Variants in SLC30A8 observed in about 807,000 individuals in gnomAD.
The protein encoded by SLC30A8 is solute carrier family 30 member 8.
SLC30A8 carries 27 observed loss-of-function variants against 36.9 expected under a neutral mutation model. That is an observed-to-expected ratio of 0.73 (90% CI 0.54 to 1.01). SLC30A8 has a LOEUF of 1.01. SLC30A8 is among the 50% of genes least tolerant of loss of function. The pLI is 0.00. For synonymous variants in SLC30A8, 164 were observed against 172.4 expected (o/e 0.95, Z 0.38); for missense variants, 439 against 452.0 (o/e 0.97, Z 0.26).
intron 1 of SLC30A8, among the ~76,000 whole-genome samples, chr8:117,001,512 T>C (rs1171114341): frequency 6.6e-6 from 1 of 152,198 alleles, no homozygotes; most frequent in South Asian, 2.1e-4. Flanking sequence ...GAAAGCATCC[T>C]GATACAAGTA....
intron 1 of SLC30A8, among the ~76,000 whole-genome samples, chr8:117,026,007 G>C (rs746801294): frequency 6.6e-6 from 1 of 152,108 alleles, no homozygotes; most frequent in Non-Finnish European, 1.5e-5. Flanking sequence ...GCATTTGTTC[G>C]TAGCATGGAG....
intron 2 of SLC30A8, among the ~76,000 whole-genome samples, chr8:117,065,972 G>T (rs1013162643): frequency 5.3e-5 from 8 of 152,060 alleles, no homozygotes; most frequent in Non-Finnish European, 1.0e-4. Flanking sequence ...GCCACAGATG[G>T]ATCCCATGGC....
Position 117,174,997 on chromosome 8 carries a change from C to T in SLC30A8, c.*2316C>T, listed in dbSNP as rs915693194. On this transcript the variant is annotated 3_prime_UTR_variant, in exon 8 of 8. Coordinates refer to ENST00000456015, the MANE Select transcript of SLC30A8 (RefSeq NM_173851.3). ...AGTTCTGACTCTCCCATTACCCTTTCCCTGGTGTGGTCAGAACTCCAGGTC... is the reference window on the plus strand; with the variant it reads ...AGTTCTGACTCTCCCATTACCCTTTTCCTGGTGTGGTCAGAACTCCAGGTC... 2.6e-5 allele frequency: 4 copies of T among 152,086 alleles called. No homozygotes were observed. Among genetic ancestry groups the T allele is most frequent in the Admixed American group, 2.6e-4 (4 of 15,252 alleles). The allele number at this position is 152,086 out of a possible 1,614,324, so 9.4% of individuals were successfully genotyped here.
chr8:117,161,604 G>A, intron 4 of SLC30A8, 134 bp from the exon 5 acceptor site: 1 of 837,976 alleles, frequency 1.2e-6, no homozygotes. Context: ...GTCAAAGATA[G>A]TTCTTTTTAA....
chr8:117,142,558 C>G (rs1168043661), intron 1 of SLC30A8, among the ~76,000 whole-genome samples: 3 of 152,100 alleles, frequency 2.0e-5, no homozygotes, highest in Non-Finnish European at 2.9e-5. Flanking sequence ...CAGGGGACAC[C>G]TATGTAGTTT....
rs563667116 is a variant in SLC30A8 at position 117,138,916 on chromosome 8, A to G, written c.71+3518A>G. Among the ~76,000 whole-genome samples, 8 of 152,108 alleles carry G rather than the reference A, an allele frequency of 5.3e-5. No homozygotes were observed. The South Asian group carries it at 8.3e-4, about 16-fold the overall frequency. ...GGGCTATGTATCTTTCCCTTAGAAGACTGATGATACATAAGCTGGAATTTT... is the reference window on the plus strand; with the variant it reads ...GGGCTATGTATCTTTCCCTTAGAAGGCTGATGATACATAAGCTGGAATTTT... On this transcript the variant is annotated intron_variant, in intron 1 of 7. Coordinates refer to ENST00000456015, the MANE Select transcript of SLC30A8 (RefSeq NM_173851.3).
At chr8:117,108,118 G>A (rs1200613768) in intron 2 of SLC30A8, among the ~76,000 whole-genome samples, 1 of 152,068 alleles carries the variant, frequency 6.6e-6, no homozygotes, top group African/African-American at 2.4e-5. Context: ...TCAGCCTTGG[G>A]ACACTACTGG....
intron 3 of SLC30A8, among the ~76,000 whole-genome samples, chr8:117,155,732 A>G (rs1822449085): frequency 6.6e-6 from 1 of 152,238 alleles, no homozygotes; most frequent in Non-Finnish European, 1.5e-5. Context: ...TATGAGAAAC[A>G]GAAGTCTGCA....
intron 6 of SLC30A8, among the ~76,000 whole-genome samples, chr8:117,168,052 T>A (rs999690130): frequency 2.6e-4 from 39 of 152,104 alleles, no homozygotes; most frequent in African/African-American, 9.4e-4. Context: ...GTGAGACTTA[T>A]TCACTACCAG....
At chr8:116,951,531 CAA>C (rs1410520696) in intron 1 of SLC30A8, among the ~76,000 whole-genome samples, 1 of 152,064 alleles carries the variant, frequency 6.6e-6, no homozygotes, top group Non-Finnish European at 1.5e-5. Flanking sequence ...CCTTAGCACT[CAA>C]GTTTCCCCTA....
At chr8:117,109,795 A>G (rs888538579) in intron 2 of SLC30A8, among the ~76,000 whole-genome samples, 2 of 152,314 alleles carry the variant, frequency 1.3e-5, no homozygotes, top group African/African-American at 4.8e-5. Context: ...TCTTTAACAA[A>G]GAGCCTTAGT....
intron 2 of SLC30A8, among the ~76,000 whole-genome samples, chr8:117,093,041 C>T (rs187655786): frequency 1.2e-3 from 185 of 152,158 alleles, no homozygotes; most frequent in Non-Finnish European, 2.3e-3. Context: ...CTATCCTTAC[C>T]AGGGGCTGGT....
chr8:117,153,728 GTGTGT>G (rs1563630753), intron 3 of SLC30A8, among the ~76,000 whole-genome samples: 29 of 150,000 alleles, frequency 1.9e-4, no homozygotes, highest in African/African-American at 6.8e-4. Flanking sequence ...TAAGGGGTGT[GTGTGT>G]GTGTGTGTGT....
intron 1 of SLC30A8, among the ~76,000 whole-genome samples, chr8:117,140,607 A>G (rs1262862783): frequency 1.3e-5 from 2 of 152,074 alleles, no homozygotes; most frequent in African/African-American, 2.4e-5. Flanking sequence ...TTAAAGCTGT[A>G]AAAGAAAAAG....
intron 2 of SLC30A8, among the ~76,000 whole-genome samples, chr8:117,113,147 C>T (rs1279151279): frequency 6.6e-6 from 1 of 152,122 alleles, no homozygotes; most frequent in African/African-American, 2.4e-5. Context: ...GAAATACAGA[C>T]AAACGGAATC....
intron 2 of SLC30A8, among the ~76,000 whole-genome samples, chr8:117,066,152 A>G (rs1586462531): frequency 6.6e-6 from 1 of 152,278 alleles, no homozygotes; most frequent in South Asian, 2.1e-4. Flanking sequence ...AACAATGTGA[A>G]AGAAGAGACC....
At chr8:117,105,462 A>G (rs892422764) in intron 2 of SLC30A8, among the ~76,000 whole-genome samples, 20 of 152,154 alleles carry the variant, frequency 1.3e-4, no homozygotes, top group African/African-American at 4.6e-4. Flanking sequence ...ACACATATAC[A>G]TATATGTACA....
chr8:117,097,410 A>AT (rs1563593753), intron 2 of SLC30A8, among the ~76,000 whole-genome samples: 3 of 122,734 alleles, frequency 2.4e-5, no homozygotes, highest in African/African-American at 1.0e-4. Context: ...AAAAAAAAAA[A>AT]AAAAAAAAAT....
Position 116,985,373 on chromosome 8 carries a change from G to A in SLC30A8, c.-266+34254G>A, listed in dbSNP as rs1815410307. On this transcript the variant is annotated intron_variant, in intron 1 of 10. Transcript: ENST00000427715. ...TTTTTAAAACCCAAAGGGGACATTAGATGTATCTCTCTGCAGCAGTATCTA... is the reference window on the plus strand; with the variant it reads ...TTTTTAAAACCCAAAGGGGACATTAAATGTATCTCTCTGCAGCAGTATCTA... 2.0e-5 allele frequency among the ~76,000 whole-genome samples: 3 copies of A among 150,604 alleles called. No individual in the cohort carries two copies. The South Asian group carries it at 6.3e-4, about 32-fold the overall frequency.
Sources: allele counts gnomAD v4.1 joint callset (sites outside exome capture counted in the v4.1 genomes callset), GRCh38; gene constraint gnomAD v4.1.1; transcripts MANE v1.5; gene names NCBI Gene and HGNC (gene_info 2026-07-23, HGNC 2026-07-21).